ADGRG4: variants seen among roughly 807,000 people sequenced by gnomAD.
The protein encoded by ADGRG4 is adhesion G protein-coupled receptor G4.
In ADGRG4, 122 loss-of-function variants were observed where a neutral mutation model predicts 126.2. The ratio of observed to expected loss-of-function variants is 0.97; its 90% CI spans 0.83 to 1.12. The LOEUF (loss-of-function observed/expected upper bound fraction) is 1.12, where lower values mean the gene tolerates loss of function less well. Among genes scored for constraint, ADGRG4 ranks in the 50% most tolerant of loss-of-function variants. The pLI is 0.00. For synonymous variants in ADGRG4, 943 were observed against 838.7 expected (o/e 1.12, Z -2.15); for missense variants, 2,481 against 2,251.8 (o/e 1.10, Z -2.06).
chrX:136,316,699 C>T (rs1026876468), intron 4 of ADGRG4, among the ~76,000 whole-genome samples: 18 of 108,934 alleles, frequency 1.7e-4, no homozygotes, highest in Non-Finnish European at 3.3e-4. Flanking sequence ...AACTCCTGAC[C>T]TCAGGTGATC....
intron 15 of ADGRG4, among the ~76,000 whole-genome samples, chrX:136,375,139 G>A (rs1204684806): frequency 9.0e-6 from 1 of 111,137 alleles, no homozygotes; most frequent in Non-Finnish European, 1.9e-5. Context: ...ATGATATTTG[G>A]TTTTCCATTC....
intron 5 of ADGRG4, among the ~76,000 whole-genome samples, chrX:136,340,230 A>G (rs2074971632): frequency 8.9e-6 from 1 of 111,931 alleles, no homozygotes; most frequent in African/African-American, 3.3e-5. Flanking sequence ...ATTATACAAA[A>G]TGATCTTGAA....
Position 136,346,620 on chromosome X carries a change from AG to A in ADGRG4, c.2916del (p.Ile973TyrfsTer87). 8.3e-7 allele frequency: 1 copy of A among 1,210,272 alleles called. No individual in the cohort carries two copies. The highest frequency in any genetic ancestry group is 1.1e-6 in the Non-Finnish European group (1 of 894,165). On this transcript the variant is annotated frameshift_variant, in exon 6 of 26. Coordinates refer to ENST00000394143, the MANE Select transcript of ADGRG4 (RefSeq NM_153834.4). LOFTEE classifies it high-confidence loss of function. Reference protein sequence around the residue: ...FGEPLGASTTRISETSFSTTP... With the variant: ...FGEPLGASTTXISETSFSTTP... ...TGAACCCCTGGGTGCTTCTACCACAAGGATATCAGAAACCAGTTTCTCCACT... is the reference window on the plus strand; with the variant it reads ...TGAACCCCTGGGTGCTTCTACCACAAGATATCAGAAACCAGTTTCTCCACT...
At position 136,395,483 on chromosome X, in the gene ADGRG4, G is replaced by T; in HGVS notation, c.8174G>T (p.Gly2725Val). Residue 2725 changes from glycine (G) to valine (V), a missense_variant, in exon 19 of 26, where the codon GGA becomes GTA. By Grantham distance (109) the Gly-to-Val change is moderately radical. Transcript: ENST00000394143. ...CAGTGTGACCACCTCACCCATTTTG[G>T]AGTCTTAATGGTGAGTTGTCTCTTA... ...ICQCDHLTHF[G>V]VLMDLSRSTV... 1 of 1,136,110 alleles carries T rather than the reference G, an allele frequency of 8.8e-7. No homozygotes were observed. Among genetic ancestry groups the T allele is most frequent in the Non-Finnish European group, 1.2e-6 (1 of 829,085 alleles). The allele number at this position is 1,136,110 out of a possible 1,213,427, so 93.6% of individuals were successfully genotyped here.
rs1480255501 is a variant in ADGRG4, at chrX:136,410,488, CTGG to C, written c.8936-1774_8936-1772del. Among the ~76,000 whole-genome samples the C allele has an allele frequency of 3.6e-5, 4 of 111,790 alleles. No homozygotes were observed. The Admixed American group carries it at 3.8e-4, about 11-fold the overall frequency. On this transcript the variant is annotated intron_variant, in intron 23 of 25. Transcript: ENST00000394143. The stretch of plus-strand genomic sequence containing the variant: ...TTTGCTTTGGGACATTTACAATAGA[CTGG>C]TGCTCAGTTTACAATGGGTTAAGAC...
At position 136,345,810 on chromosome X, in the gene ADGRG4, A is replaced by G; in HGVS notation, c.2104A>G (p.Ile702Val). ...AGAATATTTATCCGCAACTACCAAT[A>G]TCACCCCACTGAAAGCATCTCCAGA... Reference protein sequence around the residue: ...YTEYLSATTNITPLKASPEGK... With the variant: ...YTEYLSATTNVTPLKASPEGK... The change falls in exon 6 of 26, where the codon ATC (isoleucine) becomes GTC (valine). Residue 702 changes from isoleucine (I) to valine (V), a missense_variant. By Grantham distance (29) the Ile-to-Val change is conservative (BLOSUM62 3). Transcript: ENST00000394143. 2.5e-6 allele frequency: 3 copies of G among 1,210,448 alleles called. No homozygotes were observed. Among genetic ancestry groups the G allele is most frequent in the Non-Finnish European group, 3.4e-6 (3 of 894,584 alleles).
intron 16 of ADGRG4, among the ~76,000 whole-genome samples, chrX:136,389,739 T>A (rs1024092261): frequency 3.6e-5 from 4 of 112,144 alleles, no homozygotes; most frequent in African/African-American, 1.3e-4. Flanking sequence ...TAATTCCTAC[T>A]GTGTGTCTTG....
At chrX:136,408,680 A>G (rs2075428713) in intron 23 of ADGRG4, among the ~76,000 whole-genome samples, 1 of 111,835 alleles carries the variant, frequency 8.9e-6, no homozygotes, top group Admixed American at 9.5e-5. Flanking sequence ...AATGAACATA[A>G]GGGTACATGT....
In ADGRG4 at chrX:136,344,830, C is replaced by T. The variant is rs1168533431; in HGVS notation, c.1124C>T (p.Ser375Phe). 4 of 1,205,760 alleles carry T rather than the reference C, an allele frequency of 3.3e-6. No individual in the cohort carries two copies. Among genetic ancestry groups the T allele is most frequent in the Non-Finnish European group, 4.5e-6 (4 of 891,104 alleles). The change falls in exon 6 of 26, where the codon TCC becomes TTC. Residue 375 changes from serine to phenylalanine, a missense_variant. Physicochemically the swap from Ser to Phe is radical, Grantham distance 155. Transcript: ENST00000394143. ...CCACCTACACCTTCTAATTTCCTAT[C>T]CACATCCAGATTTACCAAGAATTCA... The part of the protein sequence containing the change: ...FQPPTPSNFL[S>F]TSRFTKNSVV...
At chrX:136,316,912 T>C (rs1458616267) in intron 4 of ADGRG4, among the ~76,000 whole-genome samples, 2 of 111,854 alleles carry the variant, frequency 1.8e-5, no homozygotes, top group African/African-American at 3.3e-5. Flanking sequence ...CTTCTCATTC[T>C]ATGCCAGATG....
intron 4 of ADGRG4, among the ~76,000 whole-genome samples, chrX:136,315,764 CT>C (rs1303911249): frequency 6.3e-5 from 7 of 111,809 alleles, no homozygotes; most frequent in Admixed American, 9.5e-5. Context: ...GGGTGGGCCC[CT>C]AATCCAATAT....
rs2075324684 is a variant in ADGRG4, at chrX:136,392,358, A to G, written c.8034+4A>G. On this transcript the variant is annotated splice_donor_region_variant and intron_variant, in intron 17 of 25. Coordinates refer to ENST00000394143, the MANE Select transcript of ADGRG4 (RefSeq NM_153834.4). ...GCAGCATATTGGAGGAAACCAGGTA[A>G]TATATCTATTTTCAGCTCAGAATCA... The G allele has an allele frequency of 8.7e-7, 1 of 1,146,744 alleles. No individual in the cohort carries two copies. Among genetic ancestry groups the G allele is most frequent in the African/African-American group, 1.8e-5 (1 of 55,698 alleles). 94.5% of individuals were successfully genotyped at this position (1,146,744 alleles called of 1,213,427 possible).
At chrX:136,397,837 T>TTGCTC (rs757718205) in intron 19 of ADGRG4, 44 bp from the exon 20 acceptor site, 95 of 1,171,383 alleles carry the variant, frequency 8.1e-5, no homozygotes, top group Middle Eastern at 2.5e-4. Context: ...TGCCATAAAC[T>TTGCTC]TGCTCTGGTG....
rs200109118 is a variant in ADGRG4, at chrX:136,348,988, C to T, written c.5282C>T (p.Thr1761Ile). 1.2e-5 allele frequency: 15 copies of T among 1,206,693 alleles called. No homozygotes were observed. In the Middle Eastern group the frequency reaches 6.9e-4, roughly 55 times the overall value. Residue 1761 changes from threonine (T) to isoleucine (I), a missense_variant, in exon 6 of 26, where the codon ACT (threonine) becomes ATT (isoleucine). By Grantham distance (89) the Thr-to-Ile change is moderately conservative (BLOSUM62 -1). Coordinates refer to ENST00000394143, the MANE Select transcript of ADGRG4 (RefSeq NM_153834.4). Reference sequence around the variant, plus strand: ...CCTACTCATGCAGATAGTCTCCATACTTCCTTCAATATTCAGGTTTCCCCA... The same window carrying T: ...CCTACTCATGCAGATAGTCTCCATATTTCCTTCAATATTCAGGTTTCCCCA... Reference protein sequence around the residue: ...LSPTHADSLHTSFNIQVSPSL... With the variant: ...LSPTHADSLHISFNIQVSPSL...
intron 8 of ADGRG4, among the ~76,000 whole-genome samples, chrX:136,355,227 A>G (rs1248242117): frequency 9.4e-6 from 1 of 106,471 alleles, no homozygotes; most frequent in East Asian, 2.9e-4. Flanking sequence ...ATGTGTACAC[A>G]CACACACACA....
Position 136,349,113 on chromosome X carries a change from G to T in ADGRG4, c.5407G>T (p.Glu1803Ter). The change falls in exon 6 of 26, where the codon GAA (glutamate) becomes TAA (stop). Residue 1803 changes from glutamate to a stop codon, truncating the protein, a stop_gained. Coordinates refer to ENST00000394143, the MANE Select transcript of ADGRG4 (RefSeq NM_153834.4). LOFTEE classifies it high-confidence loss of function. ...TACTAGAAAGATGACTTCCTTGTTA[G>T]AAAAGACTTCCTTAACAAACTATGC... ...SNTRKMTSLLEKTSLTNYATS... is the reference protein window; with the variant it reads ...SNTRKMTSLL 8.3e-7 allele frequency: 1 copy of T among 1,205,367 alleles called. No homozygotes were observed. Among genetic ancestry groups the T allele is most frequent in the African/African-American group, 1.7e-5 (1 of 57,551 alleles).
At chrX:136,406,528 C>T (rs1170868501) in intron 23 of ADGRG4, among the ~76,000 whole-genome samples, 1 of 112,058 alleles carries the variant, frequency 8.9e-6, no homozygotes, top group African/African-American at 3.2e-5. Context: ...GCTAAAGGCC[C>T]TAGAGCTCTT....
chrX:136,319,697 T>TTCTA (rs59139457), intron 4 of ADGRG4, among the ~76,000 whole-genome samples: 16,135 of 94,962 alleles, frequency 0.17, 1,258 homozygotes, highest in East Asian at 0.34. Flanking sequence ...GCCACAGTGA[T>TTCTA]TCTATCTATC....
chrX:136,386,695 A>G (rs554865633), intron 15 of ADGRG4, among the ~76,000 whole-genome samples: 1 of 111,957 alleles, frequency 8.9e-6, no homozygotes, highest in Non-Finnish European at 1.9e-5. Context: ...ATTAAATGGG[A>G]GAATGCAGGT....
Sources: gnomAD v4.1 joint callset for allele counts (sites outside exome capture counted in the v4.1 genomes callset) on GRCh38, gnomAD v4.1.1 for gene constraint, MANE v1.5 for transcripts, NCBI Gene and HGNC (gene_info 2026-07-23, HGNC 2026-07-21) for gene names.